Variants in TRPC7 observed in about 807,000 individuals in gnomAD.
TRPC7 encodes transient receptor potential cation channel subfamily C member 7.
A neutral mutation model predicts 90.1 loss-of-function variants in TRPC7; 42 were observed. The ratio of observed to expected loss-of-function variants is 0.47; its 90% CI spans 0.36 to 0.60. TRPC7 has a LOEUF of 0.60. Among genes scored for constraint, TRPC7 ranks in the 20% least tolerant of loss-of-function variants. TRPC7 has a pLI of 0.00. For synonymous variants in TRPC7, 451 were observed against 436.3 expected (o/e 1.03, Z -0.42); for missense variants, 955 against 1,112.3 (o/e 0.86, Z 2.01).
intron 5 of TRPC7, among the ~76,000 whole-genome samples, chr5:136,263,421 A>C (rs1158992313): frequency 1.3e-5 from 2 of 152,236 alleles, no homozygotes; most frequent in Non-Finnish European, 2.9e-5. Context: ...TCATTCAACC[A>C]AAAAATTACC....
intron 2 of TRPC7, among the ~76,000 whole-genome samples, chr5:136,352,788 T>C (rs1760240421): frequency 6.6e-6 from 1 of 152,194 alleles, no homozygotes; most frequent in African/African-American, 2.4e-5. Context: ...TTGCCCTCCA[T>C]ACACATACAG....
rs192344774 is a variant in TRPC7, at chr5:136,297,133, A to G, written c.963+18464T>C. On this transcript the variant is annotated intron_variant, in intron 3 of 11. Coordinates refer to ENST00000513104, the MANE Select transcript of TRPC7 (RefSeq NM_020389.3). Reference sequence around the variant, plus strand: ...TCCCCCTTTCATGGCCTGGCTCAGAAGCCATGAACCTCCTCCTGTTCCATG... The same window carrying G: ...TCCCCCTTTCATGGCCTGGCTCAGAGGCCATGAACCTCCTCCTGTTCCATG... Among the ~76,000 whole-genome samples, 448 of 152,294 alleles carry G rather than the reference A, an allele frequency of 2.9e-3. 4 individuals are homozygous for G. Among genetic ancestry groups the G allele is most frequent in the African/African-American group, 0.01 (430 of 41,560 alleles).
intron 3 of TRPC7, among the ~76,000 whole-genome samples, chr5:136,291,484 T>C (rs1439457723): frequency 6.6e-6 from 1 of 152,022 alleles, no homozygotes; most frequent in East Asian, 1.9e-4. Context: ...AAGGCAGGGA[T>C]TGCAATCCTA....
At chr5:136,352,721 T>C (rs1395751198) in intron 2 of TRPC7, among the ~76,000 whole-genome samples, 2 of 152,192 alleles carry the variant, frequency 1.3e-5, no homozygotes, top group South Asian at 2.1e-4. Flanking sequence ...TGTCATTTGT[T>C]GGCAGTGCTC....
At chr5:136,262,328 C>G (rs1358680749) in intron 5 of TRPC7, among the ~76,000 whole-genome samples, 1 of 152,212 alleles carries the variant, frequency 6.6e-6, no homozygotes, top group Non-Finnish European at 1.5e-5. Context: ...CCACACTAGT[C>G]TCTTTGCTGT....
rs548887850 is a variant in TRPC7, at chr5:136,275,795, G to A, written c.964-958C>T. Among the ~76,000 whole-genome samples the A allele has an allele frequency of 4.6e-5, 7 of 152,262 alleles. No individual in the cohort carries two copies. The East Asian group carries it at 1.3e-3, about 29-fold the overall frequency. On this transcript the variant is annotated intron_variant, in intron 3 of 11. Coordinates refer to ENST00000513104, the MANE Select transcript of TRPC7 (RefSeq NM_020389.3). ...GTTTAGGACTATGTTGAGAGAGGCA[G>A]TCTATTTATTTAGTAGAGAGTTAAT... is the stretch of plus-strand genomic sequence containing the variant.
At chr5:136,226,478 A>G (rs773595588) in intron 8 of TRPC7, 117 of 558,412 alleles carry the variant, frequency 2.1e-4, no homozygotes, top group Non-Finnish European at 3.3e-4. Context: ...ATGGCTGAAA[A>G]GCCTCGACCA....
chr5:136,318,818 A>G (rs1580949267), intron 2 of TRPC7, among the ~76,000 whole-genome samples: 1 of 149,830 alleles, frequency 6.7e-6, no homozygotes, highest in South Asian at 2.1e-4. Context: ...CCTTACAGCC[A>G]CTGACTGTAC....
intron 2 of TRPC7, among the ~76,000 whole-genome samples, chr5:136,352,925 G>A (rs557491434): frequency 7.2e-5 from 11 of 152,278 alleles, no homozygotes; most frequent in East Asian, 1.9e-4. Flanking sequence ...ATCCACCCAC[G>A]TAGGAAGAGT....
intron 4 of TRPC7, among the ~76,000 whole-genome samples, chr5:136,271,532 A>G (rs1399495406): frequency 6.6e-6 from 1 of 152,250 alleles, no homozygotes; most frequent in Non-Finnish European, 1.5e-5. Flanking sequence ...TTAGGCAGCT[A>G]TAAAGACCCT....
intron 3 of TRPC7, among the ~76,000 whole-genome samples, chr5:136,280,146 C>T (rs1306016489): frequency 6.6e-6 from 1 of 152,078 alleles, no homozygotes; most frequent in Non-Finnish European, 1.5e-5. Context: ...GGCGATGGAT[C>T]AAGACTCTGT....
intron 2 of TRPC7, among the ~76,000 whole-genome samples, chr5:136,335,683 C>A (rs905252070): frequency 6.6e-6 from 1 of 151,810 alleles, no homozygotes; most frequent in African/African-American, 2.4e-5. Flanking sequence ...ACGGGCAGAT[C>A]ACGAGGTCAG....
intron 3 of TRPC7, among the ~76,000 whole-genome samples, chr5:136,277,793 G>A (rs1031391639): frequency 6.6e-6 from 1 of 152,224 alleles, no homozygotes; most frequent in African/African-American, 2.4e-5. Flanking sequence ...AGGATAGAAT[G>A]ATCAAAGGAT....
intron 11 of TRPC7, chr5:136,214,499 T>C (rs1440579379): frequency 6.6e-6 from 1 of 152,146 alleles, no homozygotes; most frequent in East Asian, 1.9e-4. Context: ...ATACACCCCC[T>C]GTTTTTATCA....
rs145455119 is a variant in TRPC7, at chr5:136,285,765, T to C, written c.964-10928A>G. Among the ~76,000 whole-genome samples, 1,344 of 152,306 alleles carry C rather than the reference T, an allele frequency of 8.8e-3. 11 individuals carry two copies. Among genetic ancestry groups the C allele is most frequent in the Non-Finnish European group, 0.014 (937 of 68,018 alleles). ...AGAGGCCAGATGAATGGCTGCTAAC[T>C]ATGCTTAGAAAAAACAATTCACATT... On this transcript the variant is annotated intron_variant, in intron 3 of 11. Transcript: ENST00000513104.
intron 3 of TRPC7, among the ~76,000 whole-genome samples, chr5:136,296,708 C>T (rs1758187214): frequency 1.3e-5 from 2 of 152,122 alleles, no homozygotes; most frequent in South Asian, 4.1e-4. Context: ...AACCTGTAAA[C>T]AAAAATAATT....
chr5:136,221,982 C>A (rs553824092), intron 10 of TRPC7: 2 of 152,166 alleles, frequency 1.3e-5, no homozygotes, highest in Non-Finnish European at 2.9e-5. Flanking sequence ...AACTGACAAG[C>A]TGGATCTTGA....
chr5:136,301,134 A>G (rs970864676), intron 3 of TRPC7, among the ~76,000 whole-genome samples: 1 of 151,946 alleles, frequency 6.6e-6, no homozygotes, highest in Admixed American at 6.6e-5. Context: ...GGTTCAAGCA[A>G]TTCTGCCTCA....
intron 5 of TRPC7, among the ~76,000 whole-genome samples, chr5:136,254,745 G>A (rs79948909): frequency 0.063 from 9,639 of 152,112 alleles, 633 homozygotes; most frequent in African/African-American, 0.17. Context: ...TAAAAAATAC[G>A]TATCATAAGG....
Sources: gnomAD v4.1 joint callset for allele counts (sites outside exome capture counted in the v4.1 genomes callset) on GRCh38, gnomAD v4.1.1 for gene constraint, MANE v1.5 for transcripts, NCBI Gene and HGNC (gene_info 2026-07-23, HGNC 2026-07-21) for gene names.